The following OSBPL3 variants were observed in gnomAD, a reference collection of about 807,000 sequenced individuals.
OSBPL3 encodes oxysterol binding protein like 3.
Under a neutral mutation model 120.1 loss-of-function variants are expected in OSBPL3, and 65 were observed. The observed-to-expected ratio is 0.54, with a 90% confidence interval of 0.44 to 0.67. The LOEUF is 0.67. Ranked by LOEUF, OSBPL3 falls within the 30% of genes least tolerant of loss-of-function variation. The pLI, the probability that OSBPL3 is intolerant of heterozygous loss-of-function variation, is 0.00. For synonymous variants in OSBPL3, 416 were observed against 402.6 expected, an observed-to-expected ratio of 1.03 and a Z score of -0.40; for missense variants, 1,004 against 1,082.1, an observed-to-expected ratio of 0.93 and a Z score of 1.01.
At position 24,883,102 on chromosome 7, in the gene OSBPL3, T is replaced by C. The variant is rs975952112; in HGVS notation, c.96+9275A>G. On this transcript the variant is annotated intron_variant, in intron 2 of 22. Transcript: ENST00000313367. This position sits in a 1 kb window ranked among gnomAD's most constrained non-coding sequence, Gnocchi z 5.4. ...AGTAGGAAGTGAACATGTCTTTTTA[T>C]GATTCAGCTCACTACACAGGGCCCC... is the stretch of plus-strand genomic sequence containing the variant. Among the ~76,000 whole-genome samples, 42 of 152,326 alleles carry C rather than the reference T, an allele frequency of 2.8e-4. No homozygotes were observed. Among genetic ancestry groups the C allele is most frequent in the African/African-American group, 8.9e-4 (37 of 41,558 alleles).
chr7:24,970,107 T>C (rs1816837041), intron 1 of OSBPL3, among the ~76,000 whole-genome samples: 1 of 11,324 alleles, frequency 8.8e-5, no homozygotes, highest in African/African-American at 4.9e-4. Flanking sequence ...TCCCTTTCTT[T>C]TTTTTTTTTT....
rs1335598767 is a variant in OSBPL3, at chr7:24,967,769, C to A, written c.-150+12117G>T. Among the ~76,000 whole-genome samples the A allele has an allele frequency of 6.6e-6, 1 of 152,076 alleles. No individual in the cohort carries two copies. Among genetic ancestry groups the A allele is most frequent in the East Asian group, 1.9e-4 (1 of 5,194 alleles). On this transcript the variant is annotated intron_variant, in intron 1 of 22. Coordinates refer to ENST00000313367, the MANE Select transcript of OSBPL3 (RefSeq NM_015550.4). The surrounding 1 kb of genome is among the most constrained non-coding windows in gnomAD (Gnocchi z 5.6). ...CCCCAAAGGTTCTATAGGTAAAGGCCCCCTTAACTGTCACAATTTTAACTA... is the reference window on the plus strand; with the variant it reads ...CCCCAAAGGTTCTATAGGTAAAGGCACCCTTAACTGTCACAATTTTAACTA...
rs1474500821 is a variant in OSBPL3 at position 24,813,565 on chromosome 7, C to T, written c.2172+1494G>A. Among the ~76,000 whole-genome samples, 1 of 152,064 alleles carries T rather than the reference C, an allele frequency of 6.6e-6. No homozygotes were observed. Among genetic ancestry groups the T allele is most frequent in the African/African-American group, 2.4e-5 (1 of 41,384 alleles). The stretch of plus-strand genomic sequence containing the variant: ...CAAGGTAGGGTCATTTTTATTTTGT[C>T]CCACATGTAAGGTCATTATGGGCTT... On this transcript the variant is annotated intron_variant, in intron 19 of 22. Coordinates refer to ENST00000313367, the MANE Select transcript of OSBPL3 (RefSeq NM_015550.4). This position sits in a 1 kb window ranked among gnomAD's most constrained non-coding sequence, Gnocchi z 4.5.
At chr7:24,801,472 T>A (rs1357842612) in intron 22 of OSBPL3, among the ~76,000 whole-genome samples, 1 of 152,200 alleles carries the variant, frequency 6.6e-6, no homozygotes, top group Non-Finnish European at 1.5e-5. Context: ...ATTCCGTGTG[T>A]GTGTGTGTGA....
rs1449734874 is a variant in OSBPL3 at position 24,936,352 on chromosome 7, C to G, written c.-150+43534G>C. On this transcript the variant is annotated intron_variant, in intron 1 of 22. Transcript: ENST00000313367. The surrounding 1 kb of genome is among the most constrained non-coding windows in gnomAD (Gnocchi z 4.2). ...CTTTCAATATAACCTTTAATGACCACAGACTATGTACTAAAATTATGCAAA... is the reference window on the plus strand; with the variant it reads ...CTTTCAATATAACCTTTAATGACCAGAGACTATGTACTAAAATTATGCAAA... Among the ~76,000 whole-genome samples, 1 of 152,170 alleles carries G rather than the reference C, an allele frequency of 6.6e-6. No homozygotes were observed. The highest frequency in any genetic ancestry group is 1.9e-4 in the East Asian group (1 of 5,196).
intron 10 of OSBPL3, among the ~76,000 whole-genome samples, chr7:24,856,143 T>C (rs1799811653): frequency 6.6e-6 from 1 of 152,236 alleles, no homozygotes; most frequent in African/African-American, 2.4e-5. Context: ...ATGATTCATC[T>C]CTTTCCCAAA....
chr7:24,812,127 T>A (rs1023781558), intron 19 of OSBPL3, among the ~76,000 whole-genome samples: 2 of 151,632 alleles, frequency 1.3e-5, no homozygotes, highest in Admixed American at 1.3e-4. Context: ...TCCAACATGG[T>A]GAAACCCCAT....
At position 24,855,031 on chromosome 7, in the gene OSBPL3, T is replaced by C. The variant is rs17150311; in HGVS notation, c.1028-2397A>G. ...ATGCTTTACTCTTTTGCCAGGAAAATGCTTGTAAATAACTGCACACAGGGT... is the reference window on the plus strand; with the variant it reads ...ATGCTTTACTCTTTTGCCAGGAAAACGCTTGTAAATAACTGCACACAGGGT... On this transcript the variant is annotated intron_variant, in intron 10 of 22. Coordinates refer to ENST00000313367, the MANE Select transcript of OSBPL3 (RefSeq NM_015550.4). The surrounding 1 kb of genome is among the most constrained non-coding windows in gnomAD (Gnocchi z 4.3). Among the ~76,000 whole-genome samples the C allele has an allele frequency of 0.04, 6,111 of 152,232 alleles. 237 individuals carry two copies. The highest frequency in any genetic ancestry group is 0.13 in the East Asian group (675 of 5,180).
chr7:24,931,336 C>A (rs926724284), intron 1 of OSBPL3, among the ~76,000 whole-genome samples: 1 of 152,128 alleles, frequency 6.6e-6, no homozygotes, highest in Non-Finnish European at 1.5e-5. Flanking sequence ...CATGTTCTAA[C>A]CCCCAGAAGC....
rs1367878784 is a variant in OSBPL3, at chr7:24,805,775, T to A, written c.2444+1001A>T. ...TCTTTTAGGCATTTGCTAACAACAG[T>A]GTTCAATCCCTGCAAAATGAATTTA... is the stretch of plus-strand genomic sequence containing the variant. On this transcript the variant is annotated intron_variant, in intron 21 of 22. Coordinates refer to ENST00000313367, the MANE Select transcript of OSBPL3 (RefSeq NM_015550.4). The surrounding 1 kb of genome is among the most constrained non-coding windows in gnomAD (Gnocchi z 4.0). Among the ~76,000 whole-genome samples the A allele has an allele frequency of 4.6e-5, 7 of 152,194 alleles. No individual in the cohort carries two copies.
At chr7:24,971,632 T>C (rs1817033996) in intron 1 of OSBPL3, among the ~76,000 whole-genome samples, 1 of 151,994 alleles carries the variant, frequency 6.6e-6, no homozygotes, top group African/African-American at 2.4e-5. Flanking sequence ...ACTTCTCAAA[T>C]GGAAATCAGG....
At chr7:24,861,884 C>G (rs1043988518) in intron 9 of OSBPL3, 115 bp from the exon 10 acceptor site, 1 of 299,550 alleles carries the variant, frequency 3.3e-6, no homozygotes. Flanking sequence ...ATAGGTAGGT[C>G]TTTTTTTTTT....
Position 24,967,719 on chromosome 7 carries a change from T to G in OSBPL3, c.-150+12167A>C, listed in dbSNP as rs560534139. Among the ~76,000 whole-genome samples, 1 of 152,124 alleles carries G rather than the reference T, an allele frequency of 6.6e-6. No individual in the cohort carries two copies. The highest frequency in any genetic ancestry group is 1.5e-5 in the Non-Finnish European group (1 of 68,014). ...TTACCTTCCCCAAGGTACTACAGGCTTCCCCCTTTCTCTCCTGGGACCTGC... is the reference window on the plus strand; with the variant it reads ...TTACCTTCCCCAAGGTACTACAGGCGTCCCCCTTTCTCTCCTGGGACCTGC... On this transcript the variant is annotated intron_variant, in intron 1 of 22. Coordinates refer to ENST00000313367, the MANE Select transcript of OSBPL3 (RefSeq NM_015550.4). The surrounding 1 kb of genome is among the most constrained non-coding windows in gnomAD (Gnocchi z 5.6).
intron 14 of OSBPL3, among the ~76,000 whole-genome samples, chr7:24,839,051 G>A (rs944150679): frequency 2.0e-5 from 3 of 152,110 alleles, no homozygotes; most frequent in South Asian, 2.1e-4. Flanking sequence ...CCTATACTGC[G>A]GTCCCCCAAA....
At chr7:24,923,708 G>A (rs1810694621) in intron 1 of OSBPL3, among the ~76,000 whole-genome samples, 1 of 152,200 alleles carries the variant, frequency 6.6e-6, no homozygotes, top group African/African-American at 2.4e-5. Context: ...AAACCCAAAG[G>A]AGACCAGGAA....
chr7:24,838,480 A>C, intron 14 of OSBPL3, among the ~76,000 whole-genome samples: 1 of 152,212 alleles, frequency 6.6e-6, no homozygotes, highest in East Asian at 1.9e-4. Flanking sequence ...TGGGCGACAG[A>C]GTGAGACCCT....
chr7:24,878,545 C>G (rs961490349), intron 2 of OSBPL3, among the ~76,000 whole-genome samples: 1 of 152,140 alleles, frequency 6.6e-6, no homozygotes, highest in Non-Finnish European at 1.5e-5. Flanking sequence ...ACTGACAATA[C>G]TTGTCAATAG....
intron 2 of OSBPL3, among the ~76,000 whole-genome samples, chr7:24,889,792 G>T (rs975895645): frequency 2.6e-5 from 4 of 152,188 alleles, no homozygotes; most frequent in African/African-American, 9.7e-5. Context: ...AAACTGTGGA[G>T]GGGGAAGCCC....
intron 1 of OSBPL3, among the ~76,000 whole-genome samples, chr7:24,893,280 T>C (rs1425147906): frequency 1.3e-5 from 2 of 152,210 alleles, no homozygotes; most frequent in Non-Finnish European, 2.9e-5. Flanking sequence ...TTCAATGGAA[T>C]ATTATTCAGA....
Sources: gnomAD v4.1 joint callset for allele counts (sites outside exome capture counted in the v4.1 genomes callset) on GRCh38, gnomAD v4.1.1 for gene constraint, Gnocchi (gnomAD v3.1) non-coding constraint, MANE v1.5 for transcripts, NCBI Gene and HGNC (gene_info 2026-07-23, HGNC 2026-07-21) for gene names.